IPO5: variants seen among roughly 807,000 people sequenced by gnomAD.
IPO5 encodes the protein importin 5, also known as importin-5.
In IPO5, 18 loss-of-function variants were observed where a neutral mutation model predicts 143.3. The observed-to-expected ratio is 0.13, with a 90% CI of 0.09 to 0.19. The LOEUF is 0.19. Among genes scored for constraint, IPO5 ranks in the 10% least tolerant of loss-of-function variants. The pLI is 1.00. For synonymous variants in IPO5, 477 were observed against 465.7 expected (o/e 1.02, Z -0.31); for missense variants, 1,013 against 1,336.9 (o/e 0.76, Z 3.78).
rs1441159332 is a variant in IPO5, at chr13:97,956,702, A to G, written c.-113+2504A>G. On this transcript the variant is annotated intron_variant, in intron 2 of 28. Coordinates refer to ENST00000651721, the MANE Select transcript of IPO5 (RefSeq NM_002271.6). ...TTTTTAAATAGTCCTCTTGTTAGAAAAGATTTAGCCCTTATCCTCAATCTC... is the reference window on the plus strand; with the variant it reads ...TTTTTAAATAGTCCTCTTGTTAGAAGAGATTTAGCCCTTATCCTCAATCTC... Among the ~76,000 whole-genome samples the G allele has an allele frequency of 3.9e-5, 6 of 152,314 alleles. No homozygotes were observed. In the East Asian group the frequency reaches 1.2e-3, roughly 29 times the overall value.
At chr13:97,954,948 C>T (rs1566427019) in intron 2 of IPO5, among the ~76,000 whole-genome samples, 3 of 152,112 alleles carry the variant, frequency 2.0e-5, no homozygotes, top group Non-Finnish European at 4.4e-5. Flanking sequence ...AAAATACCGG[C>T]CGGGCACAGT....
chr13:97,969,965 C>T (rs1234405061), intron 3 of IPO5, 135 bp downstream of exon 3: 2 of 672,390 alleles, frequency 3.0e-6, no homozygotes, highest in Admixed American at 2.8e-5. Context: ...TCCCAAAGTG[C>T]TGGGATTACA....
At chr13:98,002,102 C>G (rs1187255526) in intron 13 of IPO5, 2 of 158,842 alleles carry the variant, frequency 1.3e-5, no homozygotes, top group African/African-American at 4.8e-5. Context: ...CAAGCTCCGC[C>G]CCCCCGGGTT....
At chr13:98,004,256 T>C (rs1210806284) in intron 16 of IPO5, among the ~76,000 whole-genome samples, 2 of 152,246 alleles carry the variant, frequency 1.3e-5, no homozygotes, top group Non-Finnish European at 2.9e-5. Flanking sequence ...ACAGTTTGCA[T>C]AGCACTGGCA....
intron 2 of IPO5, among the ~76,000 whole-genome samples, chr13:97,963,838 C>A (rs772153139): frequency 1.8e-4 from 27 of 152,186 alleles, no homozygotes; most frequent in Non-Finnish European, 1.2e-4. Context: ...TCCTATTTCT[C>A]CACAGCCTCG....
intron 2 of IPO5, among the ~76,000 whole-genome samples, chr13:97,957,777 T>G (rs575567978): frequency 6.6e-6 from 1 of 152,272 alleles, no homozygotes; most frequent in Non-Finnish European, 1.5e-5. Flanking sequence ...TTACATGCAT[T>G]AGTGGATTCC....
At chr13:97,975,887 C>A (rs549493760) in intron 3 of IPO5, 1 of 985,092 alleles carries the variant, frequency 1.0e-6, no homozygotes, top group Non-Finnish European at 1.2e-6. Flanking sequence ...CTCTTCCGGG[C>A]AAGCCCCAGG....
intron 4 of IPO5, among the ~76,000 whole-genome samples, chr13:97,980,147 G>A (rs1214335522): frequency 9.9e-5 from 15 of 152,182 alleles, no homozygotes; most frequent in African/African-American, 3.6e-4. Flanking sequence ...ATTAGAAACA[G>A]TCTTTATAAT....
At chr13:98,003,190 A>T (rs1888945593) in intron 16 of IPO5, among the ~76,000 whole-genome samples, 153 bp downstream of exon 16, 1 of 152,200 alleles carries the variant, frequency 6.6e-6, no homozygotes, top group South Asian at 2.1e-4. Flanking sequence ...TGGAATGATG[A>T]GTAGAGAAAT....
chr13:97,985,610 A>T lies in IPO5; in HGVS notation c.361A>T (p.Ile121Leu). The change falls in exon 6 of 29, where the codon ATA (isoleucine) becomes TTA (leucine). Residue 121 changes from isoleucine to leucine, a missense_variant. Transcript: ENST00000651721. The stretch of plus-strand genomic sequence containing the variant: ...TGCGGCAGAACTGGCCAGGAATTTA[A>T]TAGGTGTGTATGCAGGTGCACTCAT... ...DIAAELARNLIDEDGNNQWPE... is the reference protein window; with the variant it reads ...DIAAELARNLLDEDGNNQWPE... The T allele has an allele frequency of 6.2e-7, 1 of 1,611,312 alleles. No homozygotes were observed. The highest frequency in any genetic ancestry group is 8.5e-7 in the Non-Finnish European group (1 of 1,177,624).
intron 24 of IPO5, among the ~76,000 whole-genome samples, chr13:98,016,469 G>A (rs1411227173): frequency 6.6e-6 from 1 of 152,104 alleles, no homozygotes; most frequent in Non-Finnish European, 1.5e-5. Flanking sequence ...TTTTAAGTAT[G>A]TTCCAAGGAA....
In IPO5 at chr13:98,006,279, A is replaced by G. The variant is rs766491746; in HGVS notation, c.1647A>G (p.Glu549=). 1 of 1,613,174 alleles carries G rather than the reference A, an allele frequency of 6.2e-7. No individual in the cohort carries two copies. The highest frequency in any genetic ancestry group is 2.2e-5 in the East Asian group (1 of 44,798). The change falls in exon 17 of 29, where the codon GAA becomes GAG. Residue 549 remains glutamate, a synonymous_variant. Transcript: ENST00000651721. The part of the protein sequence containing the change: ...KHIVENAVQK[E]LRLLRGKTIE... Reference sequence around the variant, plus strand: ...TCGTTGAGAATGCGGTTCAAAAAGAACTGAGACTTCTGAGAGGAAAAACTA... The same window carrying G: ...TCGTTGAGAATGCGGTTCAAAAAGAGCTGAGACTTCTGAGAGGAAAAACTA...
intron 22 of IPO5, 61 bp downstream of exon 22, chr13:98,014,275 A>AAAAGT: frequency 7.7e-7 from 1 of 1,298,330 alleles, no homozygotes; most frequent in Non-Finnish European, 1.1e-6. Flanking sequence ...TAGTCTTGCT[A>AAAAGT]AAAGTAAAAA....
intron 13 of IPO5, 99 bp from the exon 14 acceptor site, chr13:98,002,368 T>A: frequency 8.3e-7 from 1 of 1,211,854 alleles, no homozygotes; most frequent in Non-Finnish European, 1.2e-6. Context: ...AAAAGTTTTG[T>A]TACTCTTTTC....
At chr13:98,009,735 T>G in intron 18 of IPO5, 146 bp from the exon 19 acceptor site, 1 of 654,434 alleles carries the variant, frequency 1.5e-6, no homozygotes, top group South Asian at 2.2e-5. Context: ...ACCTTTTAAG[T>G]ACATAACCTT....
rs191424254 is a variant in IPO5 at position 97,973,239 on chromosome 13, G to C, written c.-5+3409G>C. Among the ~76,000 whole-genome samples, 458 of 151,792 alleles carry C rather than the reference G, an allele frequency of 3.0e-3. 2 individuals carry two copies. The highest frequency in any genetic ancestry group is 0.011 in the African/African-American group (439 of 41,384). ...TTTTTTGTATTTCTAGTAGAGACGG[G>C]GTCTCGCCCTGTTGGCCAGGCTGGT... On this transcript the variant is annotated intron_variant, in intron 3 of 28. Coordinates refer to ENST00000651721, the MANE Select transcript of IPO5 (RefSeq NM_002271.6).
At position 97,990,420 on chromosome 13, in the gene IPO5, C is replaced by A. The variant is rs2139690230; in HGVS notation, c.565-13C>A. ...AATTTCTCATGTTTGACATTTTTTC[C>A]TCTTGATTTTAGATCAGGACGTTAT... On this transcript the variant is annotated splice_polypyrimidine_tract_variant and intron_variant, in intron 8 of 28. Coordinates refer to ENST00000651721, the MANE Select transcript of IPO5 (RefSeq NM_002271.6). 6.4e-7 allele frequency: 1 copy of A among 1,558,434 alleles called. No homozygotes were observed. Among genetic ancestry groups the A allele is most frequent in the South Asian group, 1.2e-5 (1 of 84,848 alleles).
intron 27 of IPO5, 92 bp from the exon 28 acceptor site, chr13:98,020,900 A>G (rs1276836677): frequency 3.0e-6 from 3 of 988,570 alleles, no homozygotes; most frequent in Non-Finnish European, 4.6e-6. Context: ...TTTTCTTCCT[A>G]CTGAATTTAA....
At chr13:97,966,187 G>T (rs959140364) in intron 2 of IPO5, among the ~76,000 whole-genome samples, 1 of 150,992 alleles carries the variant, frequency 6.6e-6, no homozygotes, top group African/African-American at 2.4e-5. Flanking sequence ...GAGTAAAAAT[G>T]GTGACAATAG....
Sources: allele counts gnomAD v4.1 joint callset (sites outside exome capture counted in the v4.1 genomes callset), GRCh38; gene constraint gnomAD v4.1.1; transcripts MANE v1.5; gene names NCBI Gene and HGNC (gene_info 2026-07-23, HGNC 2026-07-21).